TXNRD1: variants seen among roughly 807,000 people sequenced by gnomAD.
The protein encoded by TXNRD1 is thioredoxin reductase 1.
TXNRD1 carries 57 observed loss-of-function variants against 80.3 expected under a neutral mutation model. The ratio of observed to expected loss-of-function variants is 0.71; its 90% CI spans 0.57 to 0.89. The LOEUF (loss-of-function observed/expected upper bound fraction) is 0.89, where lower values mean the gene tolerates loss of function less well. Ranked by LOEUF, TXNRD1 falls within the 40% of genes least tolerant of loss-of-function variation. The pLI is 0.00. For synonymous variants in TXNRD1, 291 were observed against 285.2 expected, an observed-to-expected ratio of 1.02 and a Z score of -0.20; for missense variants, 730 against 803.0, an observed-to-expected ratio of 0.91 and a Z score of 1.10.
chr12:104,251,109 G>A (rs1250528450), intron 1 of TXNRD1, among the ~76,000 whole-genome samples: 2 of 152,186 alleles, frequency 1.3e-5, no homozygotes, highest in Non-Finnish European at 2.9e-5. Context: ...TGAGTGGTCT[G>A]CCCCTATGTC....
At chr12:104,339,498 T>G (rs1297668035) in intron 16 of TXNRD1, 6 of 701,106 alleles carry the variant, frequency 8.6e-6, no homozygotes, top group Non-Finnish European at 1.6e-5. Context: ...TGAGAGTGAT[T>G]TATAGAGCTG....
intron 4 of TXNRD1, among the ~76,000 whole-genome samples, chr12:104,293,115 A>T (rs2034286591): frequency 6.6e-6 from 1 of 151,936 alleles, no homozygotes; most frequent in Non-Finnish European, 1.5e-5. Flanking sequence ...CTTATAGGGA[A>T]CCTCTTTTGT....
chr12:104,312,917 A>T (rs1460049900), intron 5 of TXNRD1, among the ~76,000 whole-genome samples: 3 of 151,568 alleles, frequency 2.0e-5, no homozygotes, highest in African/African-American at 7.3e-5. Context: ...TTGCTTGGAA[A>T]TGGCCACTTT....
In TXNRD1 at chr12:104,348,515, C is replaced by G. The variant is rs1235698876; in HGVS notation, c.*94C>G. On this transcript the variant is annotated 3_prime_UTR_variant, in exon 17 of 17. Transcript: ENST00000525566. ...AAGTTTTCTAGAGGGTTCTTGGGCTCTTGGCACCTGCGTGTCCTGTGCTTA... is the reference window on the plus strand; with the variant it reads ...AAGTTTTCTAGAGGGTTCTTGGGCTGTTGGCACCTGCGTGTCCTGTGCTTA... 8.8e-6 allele frequency: 11 copies of G among 1,243,372 alleles called. No homozygotes were observed. The highest frequency in any genetic ancestry group is 1.5e-5 in the African/African-American group (1 of 67,734). 77.0% of individuals were successfully genotyped at this position (1,243,372 alleles called of 1,614,324 possible).
chr12:104,278,753 G>C (rs951011947), intron 3 of TXNRD1, among the ~76,000 whole-genome samples: 1 of 151,908 alleles, frequency 6.6e-6, no homozygotes, highest in East Asian at 1.9e-4. Context: ...CGCCCGCCTC[G>C]GCCTCCCAAA....
intron 4 of TXNRD1, among the ~76,000 whole-genome samples, chr12:104,294,233 G>GGCACC (rs60817773): frequency 1.5e-5 from 1 of 68,884 alleles, no homozygotes; most frequent in Non-Finnish European, 2.8e-5. Flanking sequence ...CCGGGGAAAG[G>GGCACC]CCCCCCCCCC....
intron 1 of TXNRD1, among the ~76,000 whole-genome samples, chr12:104,233,551 C>T (rs538755167): frequency 7.4e-4 from 113 of 152,272 alleles, no homozygotes; most frequent in Admixed American, 1.9e-3. Context: ...GATGGAGTTT[C>T]GCTCTTGTTG....
At chr12:104,235,001 C>T (rs974079514) in intron 1 of TXNRD1, among the ~76,000 whole-genome samples, 1 of 152,130 alleles carries the variant, frequency 6.6e-6, no homozygotes, top group Non-Finnish European at 1.5e-5. Flanking sequence ...TTTTCCAAAT[C>T]TTAAAATGCT....
chr12:104,311,179 TC>T, intron 4 of TXNRD1, 110 bp from the exon 5 acceptor site: 1 of 1,241,670 alleles, frequency 8.1e-7, no homozygotes, highest in Non-Finnish European at 1.1e-6. Flanking sequence ...AACAGCATCT[TC>T]CCTTTGAAAA....
At chr12:104,336,921 A>G (rs1040457273) in intron 15 of TXNRD1, among the ~76,000 whole-genome samples, 2 of 148,232 alleles carry the variant, frequency 1.3e-5, no homozygotes, top group East Asian at 1.9e-4. Flanking sequence ...CACAATGTAG[A>G]TACCATGCTA....
chr12:104,319,340 T>G, intron 8 of TXNRD1, 130 bp from the exon 9 acceptor site: 1 of 697,376 alleles, frequency 1.4e-6, no homozygotes, highest in East Asian at 2.7e-5. Context: ...AATTTATCCT[T>G]TTTACTATAT....
intron 4 of TXNRD1, among the ~76,000 whole-genome samples, chr12:104,292,227 T>C (rs2034244313): frequency 6.6e-6 from 1 of 152,134 alleles, no homozygotes; most frequent in African/African-American, 2.4e-5. Flanking sequence ...GTGACTCCCT[T>C]GATAAAGGAT....
intron 1 of TXNRD1, among the ~76,000 whole-genome samples, chr12:104,246,006 G>A (rs1246234475): frequency 6.6e-6 from 1 of 151,014 alleles, no homozygotes; most frequent in African/African-American, 2.4e-5. Context: ...CCAGCTACTC[G>A]GGAGGTCAAG....
chr12:104,257,865 C>T (rs1310242771), intron 2 of TXNRD1, among the ~76,000 whole-genome samples, 154 bp from the exon 3 acceptor site: 1 of 152,124 alleles, frequency 6.6e-6, no homozygotes, highest in African/African-American at 2.4e-5. Flanking sequence ...TTTCTGTCAA[C>T]AGGGAGAATC....
rs60817773 is a variant in TXNRD1 at position 104,294,233 on chromosome 12, G to GGCA, written c.414+5193_414+5194insGCA. ...CTTCTCTAAACTCCCCCGGGGAAAG[G>GGCA]CCCCCCCCCCCGCCGCCGGCTTTCC... On this transcript the variant is annotated intron_variant, in intron 4 of 16. Coordinates refer to ENST00000525566, the MANE Select transcript of TXNRD1 (RefSeq NM_001093771.3). Among the ~76,000 whole-genome samples the GGCA allele has an allele frequency of 4.4e-5, 3 of 68,884 alleles. 1 individual carries two copies. Among genetic ancestry groups the GGCA allele is most frequent in the East Asian group, 1.7e-3 (2 of 1,210 alleles). The allele number at this position is 68,884 out of a possible 152,430, so 45.2% of individuals were successfully genotyped here.
intron 3 of TXNRD1, among the ~76,000 whole-genome samples, chr12:104,280,874 A>C (rs2033861994): frequency 6.6e-6 from 1 of 152,218 alleles, no homozygotes; most frequent in African/African-American, 2.4e-5. Flanking sequence ...ATTCTTTAAA[A>C]AAAAGAAAAG....
intron 10 of TXNRD1, among the ~76,000 whole-genome samples, chr12:104,322,701 A>C (rs1336363793): frequency 1.3e-5 from 2 of 151,988 alleles, no homozygotes; most frequent in African/African-American, 4.8e-5. Context: ...TTTAGAGTAG[A>C]GGTATATATG....
At chr12:104,248,117 G>A (rs1378100683) in intron 1 of TXNRD1, among the ~76,000 whole-genome samples, 1 of 152,178 alleles carries the variant, frequency 6.6e-6, no homozygotes, top group African/African-American at 2.4e-5. Context: ...TTAAAATTTT[G>A]AAGTGTCATG....
At chr12:104,303,054 A>G (rs189553871) in intron 4 of TXNRD1, among the ~76,000 whole-genome samples, 12 of 152,196 alleles carry the variant, frequency 7.9e-5, no homozygotes, top group African/African-American at 2.6e-4. Context: ...TTCCAAGTAA[A>G]TAGCTCTTTT....
Sources: allele counts gnomAD v4.1 joint callset (sites outside exome capture counted in the v4.1 genomes callset), GRCh38; gene constraint gnomAD v4.1.1; transcripts MANE v1.5; gene names NCBI Gene and HGNC (gene_info 2026-07-23, HGNC 2026-07-21).